TMEM161B: variants seen among roughly 807,000 people sequenced by gnomAD.
TMEM161B encodes transmembrane protein 161B.
In TMEM161B, 34 loss-of-function variants were observed where a neutral mutation model predicts 61.8. The ratio of observed to expected loss-of-function variants is 0.55; its 90% CI spans 0.42 to 0.73. The LOEUF (loss-of-function observed/expected upper bound fraction) is 0.73. Ranked by LOEUF, TMEM161B falls within the 30% of genes least tolerant of loss-of-function variation. TMEM161B has a pLI of 0.00. For synonymous variants in TMEM161B, 167 were observed against 192.8 expected (o/e 0.87, Z 1.11); for missense variants, 456 against 558.5 (o/e 0.82, Z 1.85).
Position 88,256,702 on chromosome 5 carries a change from C to T in TMEM161B, c.3+12019G>A, listed in dbSNP as rs192538979. 3.9e-5 allele frequency among the ~76,000 whole-genome samples: 6 copies of T among 152,350 alleles called. No homozygotes were observed. In the East Asian group the frequency reaches 1.2e-3, roughly 29 times the overall value. Reference sequence around the variant, plus strand: ...GCATTCATCTCATTTCTTCAGCCTCCATTCCCAGGAGGGTGGGAGATGGCA... The same window carrying T: ...GCATTCATCTCATTTCTTCAGCCTCTATTCCCAGGAGGGTGGGAGATGGCA... On this transcript the variant is annotated intron_variant, in intron 1 of 11. Coordinates refer to ENST00000296595, the MANE Select transcript of TMEM161B (RefSeq NM_153354.5).
At chr5:88,198,910 AAT>A in intron 10 of TMEM161B, 64 bp downstream of exon 10, 2 of 1,277,904 alleles carry the variant, frequency 1.6e-6, no homozygotes, top group South Asian at 1.5e-5. Flanking sequence ...AAAGGAAACC[AAT>A]TTTTTTTTTT....
intron 1 of TMEM161B, among the ~76,000 whole-genome samples, chr5:88,258,849 G>C (rs1038998932): frequency 6.6e-6 from 1 of 152,146 alleles, no homozygotes; most frequent in Non-Finnish European, 1.5e-5. Flanking sequence ...GTAAAGGGCA[G>C]ACATAAGATA....
At chr5:88,206,905 T>C in intron 6 of TMEM161B, 124 bp downstream of exon 6, 1 of 815,560 alleles carries the variant, frequency 1.2e-6, no homozygotes, top group South Asian at 1.9e-5. Context: ...TTTTGAACAT[T>C]ACAGAGTATA....
chr5:88,225,870 T>G lies in TMEM161B; in HGVS notation c.192-4A>C, dbSNP rs1020169121. 7.6e-6 allele frequency: 12 copies of G among 1,586,044 alleles called. No individual in the cohort carries two copies. The highest frequency in any genetic ancestry group is 1.0e-5 in the Non-Finnish European group (12 of 1,162,112). ...TTCAATGTGACCATTATATTTCCTA[T>G]AAAAATCAGACAAGTGACACAAAAA... On this transcript the variant is annotated splice_polypyrimidine_tract_variant and splice_region_variant and intron_variant, in intron 3 of 11. Coordinates refer to ENST00000296595, the MANE Select transcript of TMEM161B (RefSeq NM_153354.5).
chr5:88,203,803 ATATATATATAT>A lies in TMEM161B; in HGVS notation c.801-739_801-729del, dbSNP rs1561312760. ...TATATATATATATATATATATATAT[ATATATATATAT>A]AATTTGCATTACTCCTGACAAGGCA... On this transcript the variant is annotated intron_variant, in intron 8 of 11. Coordinates refer to ENST00000296595, the MANE Select transcript of TMEM161B (RefSeq NM_153354.5). 1.5e-3 allele frequency among the ~76,000 whole-genome samples: 145 copies of A among 95,926 alleles called. 6 individuals carry two copies. The highest frequency in any genetic ancestry group is 2.9e-3 in the African/African-American group (63 of 21,472). 62.9% of individuals were successfully genotyped at this position (95,926 alleles called of 152,430 possible). A position where few individuals can be genotyped will look rare whatever the true frequency, so the allele number is the denominator to read the frequency against.
chr5:88,266,927 A>T (rs1756449217), intron 1 of TMEM161B, among the ~76,000 whole-genome samples: 1 of 152,200 alleles, frequency 6.6e-6, no homozygotes, highest in South Asian at 2.1e-4. Context: ...AAACAGCATA[A>T]GATTACATTA....
chr5:88,192,099 GGATGA>G (rs1306475281), downstream of TMEM161B, among the ~76,000 whole-genome samples: 4 of 138,516 alleles, frequency 2.9e-5, no homozygotes, highest in Non-Finnish European at 4.6e-5. Flanking sequence ...GACAGAAATG[GGATGA>G]GATGTTTTCT....
intron 1 of TMEM161B, among the ~76,000 whole-genome samples, chr5:88,268,047 C>G (rs1756639468): frequency 6.6e-6 from 1 of 152,130 alleles, no homozygotes; most frequent in Non-Finnish European, 1.5e-5. Flanking sequence ...ATCTTATTTA[C>G]CCCTACCAAC....
rs370978909 is a variant in TMEM161B at position 88,225,762 on chromosome 5, C to T, written c.289+7G>A. 127 of 1,561,804 alleles carry T rather than the reference C, an allele frequency of 8.1e-5. No individual in the cohort carries two copies. Among genetic ancestry groups the T allele is most frequent in the Middle Eastern group, 5.6e-4 (3 of 5,324 alleles). On this transcript the variant is annotated splice_region_variant and intron_variant, in intron 4 of 11. Transcript: ENST00000296595. ...TTTATAGAACATTTTATCAAGATTT[C>T]CCTTACCTAAAGTATCCACTTCTGT...
Position 88,206,507 on chromosome 5 carries a change from G to GAAAAA in TMEM161B, c.599-9_599-8insTTTTT. 4 of 1,246,604 alleles carry GAAAAA rather than the reference G, an allele frequency of 3.2e-6. No individual in the cohort carries two copies. The highest frequency in any genetic ancestry group is 4.3e-6 in the Non-Finnish European group (4 of 921,306). 77.2% of individuals were successfully genotyped at this position (1,246,604 alleles called of 1,614,324 possible). On this transcript the variant is annotated splice_polypyrimidine_tract_variant and intron_variant, in intron 6 of 11. Coordinates refer to ENST00000296595, the MANE Select transcript of TMEM161B (RefSeq NM_153354.5). ...CTGAAAAATTTGTAAACCCTGTGGG[G>GAAAAA]GAAAAAAAAAAAAACAACAGATTAC...
At chr5:88,250,805 T>C (rs1355205557) in intron 1 of TMEM161B, 1 of 152,168 alleles carries the variant, frequency 6.6e-6, no homozygotes, top group Non-Finnish European at 1.5e-5. Flanking sequence ...CCCAGTTCCA[T>C]TGTACCAGTG....
At chr5:88,222,435 G>T (rs905029765) in intron 4 of TMEM161B, among the ~76,000 whole-genome samples, 1 of 151,800 alleles carries the variant, frequency 6.6e-6, no homozygotes, top group African/African-American at 2.4e-5. Flanking sequence ...ATACTGATGT[G>T]GTTACAGGAT....
At chr5:88,267,045 G>C (rs1756467481) in intron 1 of TMEM161B, among the ~76,000 whole-genome samples, 1 of 152,270 alleles carries the variant, frequency 6.6e-6, no homozygotes, top group African/African-American at 2.4e-5. Flanking sequence ...CTGTGACTAT[G>C]ATGAACTTAA....
chr5:88,202,063 T>A, intron 9 of TMEM161B: 2 of 447,858 alleles, frequency 4.5e-6, no homozygotes, highest in South Asian at 3.2e-5. Context: ...TTGCATTACA[T>A]GTGTTCTTTC....
At chr5:88,241,711 G>A (rs1186627834) in intron 1 of TMEM161B, among the ~76,000 whole-genome samples, 1 of 151,694 alleles carries the variant, frequency 6.6e-6, no homozygotes, top group African/African-American at 2.4e-5. Context: ...AATCCTCTTA[G>A]TTTACTCTCA....
intron 1 of TMEM161B, among the ~76,000 whole-genome samples, chr5:88,247,765 C>T (rs1168417488): frequency 1.3e-5 from 2 of 152,056 alleles, no homozygotes; most frequent in Admixed American, 1.3e-4. Context: ...ACAAACATCA[C>T]TCAACTACCC....
chr5:88,195,094 T>C lies in TMEM161B; in HGVS notation c.*1117A>G. 1.8e-5 allele frequency: 17 copies of C among 965,492 alleles called. No individual in the cohort carries two copies. The highest frequency in any genetic ancestry group is 2.1e-5 in the Non-Finnish European group (17 of 811,550). 59.8% of individuals were successfully genotyped at this position (965,492 alleles called of 1,614,324 possible). On this transcript the variant is annotated 3_prime_UTR_variant, in exon 12 of 12. Transcript: ENST00000296595. ...GACCTGATTTGAGAGGGAAAGATTC[T>C]GATTTTTGGAAATGACAGAAAAAGA...
At chr5:88,256,561 A>G (rs905687104) in intron 1 of TMEM161B, among the ~76,000 whole-genome samples, 1 of 152,246 alleles carries the variant, frequency 6.6e-6, no homozygotes, top group African/African-American at 2.4e-5. Context: ...CATGTGCACT[A>G]TAAAACGTTC....
downstream of TMEM161B, among the ~76,000 whole-genome samples, chr5:88,191,676 G>A (rs912415430): frequency 4.6e-5 from 7 of 151,888 alleles, no homozygotes; most frequent in East Asian, 1.9e-4. Flanking sequence ...ATACATAGCC[G>A]GCCAGGCGCG....
Sources: gnomAD v4.1 joint callset for allele counts (sites outside exome capture counted in the v4.1 genomes callset) on GRCh38, gnomAD v4.1.1 for gene constraint, MANE v1.5 for transcripts, NCBI Gene and HGNC (gene_info 2026-07-23, HGNC 2026-07-21) for gene names.